Variants in PROS1 observed in about 807,000 individuals in gnomAD.
The protein encoded by PROS1 is vitamin K-dependent protein S.
In PROS1, 29 loss-of-function variants were observed where a neutral mutation model predicts 75.9. That is an observed-to-expected ratio of 0.38 (90% CI 0.28 to 0.52). PROS1 has a LOEUF of 0.52. Ranked by LOEUF, PROS1 falls within the 20% of genes least tolerant of loss-of-function variation. The pLI is 0.83. For missense variants in PROS1, 680 were observed against 810.3 expected (o/e 0.84, Z 1.95); for synonymous variants, 245 against 280.6 (o/e 0.87, Z 1.27).
intron 9 of PROS1, among the ~76,000 whole-genome samples, chr3:93,894,171 G>A (rs531154317): frequency 1.3e-5 from 2 of 152,090 alleles, no homozygotes; most frequent in South Asian, 2.1e-4. Flanking sequence ...CACTCTTACC[G>A]CAATATAGTA....
chr3:93,910,226 T>C (rs1431257787), intron 4 of PROS1, among the ~76,000 whole-genome samples: 1 of 152,216 alleles, frequency 6.6e-6, no homozygotes, highest in Non-Finnish European at 1.5e-5. Flanking sequence ...ACATTTTCCA[T>C]GTTTATATTA....
intron 1 of PROS1, among the ~76,000 whole-genome samples, chr3:93,931,537 C>A (rs1164991389): frequency 6.6e-6 from 1 of 152,096 alleles, no homozygotes; most frequent in Admixed American, 6.6e-5. Flanking sequence ...AGAATGTCAC[C>A]ATCTCTAAAT....
At chr3:93,949,046 A>T (rs764120658) in intron 1 of PROS1, among the ~76,000 whole-genome samples, 1 of 152,220 alleles carries the variant, frequency 6.6e-6, no homozygotes, top group East Asian at 1.9e-4. Flanking sequence ...ATCAGGCTCC[A>T]GGATTCTCAT....
intron 1 of PROS1, among the ~76,000 whole-genome samples, chr3:93,938,550 A>T (rs1576204610): frequency 6.6e-6 from 1 of 152,138 alleles, no homozygotes; most frequent in Non-Finnish European, 1.5e-5. Context: ...CCTCAGACCA[A>T]CCAGCCCAAG....
At chr3:93,885,383 G>A (rs1233258211) in intron 11 of PROS1, among the ~76,000 whole-genome samples, 2 of 152,074 alleles carry the variant, frequency 1.3e-5, no homozygotes, top group Non-Finnish European at 2.9e-5. Context: ...CCACCACCAC[G>A]CCTGGCTAAT....
intron 3 of PROS1, among the ~76,000 whole-genome samples, chr3:93,923,353 A>G (rs1671119162): frequency 6.6e-6 from 1 of 152,142 alleles, no homozygotes; most frequent in African/African-American, 2.4e-5. Flanking sequence ...TGTGCGTGCA[A>G]AAATGCAGCC....
chr3:93,960,165 T>A (rs1395512559), intron 1 of PROS1, among the ~76,000 whole-genome samples: 1 of 151,614 alleles, frequency 6.6e-6, no homozygotes, highest in Non-Finnish European at 1.5e-5. Context: ...TAAGCAGAAG[T>A]GCGTTTGTCA....
intron 6 of PROS1, among the ~76,000 whole-genome samples, chr3:93,902,824 C>T (rs1708617240): frequency 6.6e-6 from 1 of 151,956 alleles, no homozygotes; most frequent in African/African-American, 2.4e-5. Context: ...TTACTGGCAA[C>T]TGGATCCCAA....
Position 93,877,016 on chromosome 3 carries a change from A to T in PROS1, c.1820T>A (p.Leu607Ter). 1 of 1,614,016 alleles carries T rather than the reference A, an allele frequency of 6.2e-7. No individual in the cohort carries two copies. Among genetic ancestry groups the T allele is most frequent in the Non-Finnish European group, 8.5e-7 (1 of 1,179,914 alleles). ...HEDLQRQLAV[L>*]DKAMKAKVAT... ...CACTTTTGCTTTCATTGCTTTGTCC[A>T]AGACGGCAAGTTGTCTTTGAAGGTC... The change falls in exon 14 of 15, where the codon TTG (leucine) becomes TAG (stop). Residue 607 changes from leucine (L) to a stop codon, truncating the protein, a stop_gained. Transcript: ENST00000394236. LOFTEE classifies it high-confidence loss of function.
intron 3 of PROS1, among the ~76,000 whole-genome samples, chr3:93,919,346 T>A (rs1215294540): frequency 6.6e-6 from 1 of 152,204 alleles, no homozygotes; most frequent in East Asian, 1.9e-4. Context: ...ATTTTTCTGA[T>A]TTCTAAGGAG....
chr3:93,897,857 T>C (rs1708526780), intron 8 of PROS1, among the ~76,000 whole-genome samples: 1 of 152,084 alleles, frequency 6.6e-6, no homozygotes, highest in African/African-American at 2.4e-5. Flanking sequence ...CCTGGGTCAA[T>C]TATGCATTAA....
intron 4 of PROS1, among the ~76,000 whole-genome samples, chr3:93,909,822 T>TG (rs397843742): frequency 6.6e-6 from 1 of 152,144 alleles, no homozygotes. Context: ...TCGTTTTTTT[T>TG]GAAATGTGGC....
intron 3 of PROS1, among the ~76,000 whole-genome samples, chr3:93,924,017 A>C (rs1459558487): frequency 1.3e-5 from 2 of 152,256 alleles, no homozygotes; most frequent in East Asian, 3.8e-4. Context: ...ATGAGAAAGA[A>C]AAACACTAAA....
intron 3 of PROS1, among the ~76,000 whole-genome samples, chr3:93,918,073 C>A (rs751055434): frequency 2.6e-5 from 4 of 152,134 alleles, no homozygotes; most frequent in Non-Finnish European, 4.4e-5. Flanking sequence ...CTTGGAGAAC[C>A]TTTATGTCTA....
Position 93,874,284 on chromosome 3 carries a change from G to C in PROS1, c.1992C>G (p.His664Gln). The change falls in exon 15 of 15, where the codon CAC (histidine) becomes CAG (glutamine). Residue 664 changes from histidine (H) to glutamine (Q), a missense_variant. Physicochemically the swap from His to Gln is conservative, Grantham distance 24. Coordinates refer to ENST00000394236, the MANE Select transcript of PROS1 (RefSeq NM_000313.4). ...TCTTTTTCCAAACTGATGGACATGA[G>C]TGAGCTCTAATATCATTATGTTTAG... ...AISKHNDIRAHSCPSVWKKTK... is the reference protein window; with the variant it reads ...AISKHNDIRAQSCPSVWKKTK... The C allele has an allele frequency of 1.2e-6, 2 of 1,613,458 alleles. No homozygotes were observed. Among genetic ancestry groups the C allele is most frequent in the Non-Finnish European group, 1.7e-6 (2 of 1,179,540 alleles).
chr3:93,947,432 C>T (rs1426357185), intron 1 of PROS1, among the ~76,000 whole-genome samples: 1 of 151,958 alleles, frequency 6.6e-6, no homozygotes, highest in African/African-American at 2.4e-5. Context: ...AAAACTGCTC[C>T]CTAAAGATAG....
intron 6 of PROS1, among the ~76,000 whole-genome samples, 180 bp from the exon 7 acceptor site, chr3:93,901,109 T>C (rs1338522310): frequency 1.3e-5 from 2 of 152,236 alleles, no homozygotes; most frequent in East Asian, 3.8e-4. Flanking sequence ...TATGATTTCT[T>C]TCTACAAATG....
At chr3:93,919,409 A>G (rs1425248658) in intron 3 of PROS1, among the ~76,000 whole-genome samples, 1 of 124,058 alleles carries the variant, frequency 8.1e-6, no homozygotes, top group Non-Finnish European at 1.8e-5. Flanking sequence ...CTTCTTTGAA[A>G]ATTTTCCCTA....
At chr3:93,951,003 G>A (rs1709486213) in intron 1 of PROS1, among the ~76,000 whole-genome samples, 1 of 151,674 alleles carries the variant, frequency 6.6e-6, no homozygotes, top group African/African-American at 2.4e-5. Context: ...ATGACCTAAT[G>A]GATCAAATGA....
Sources: allele counts gnomAD v4.1 joint callset (sites outside exome capture counted in the v4.1 genomes callset), GRCh38; gene constraint gnomAD v4.1.1; transcripts MANE v1.5; gene names NCBI Gene and HGNC (gene_info 2026-07-23, HGNC 2026-07-21).